The following BMERB1 variants were observed in gnomAD, a reference collection of about 807,000 sequenced individuals.
BMERB1 encodes bMERB domain-containing protein 1.
BMERB1 carries 12 observed loss-of-function variants against 23.6 expected under a neutral mutation model. The ratio of observed to expected loss-of-function variants is 0.51; its 90% CI spans 0.33 to 0.82. BMERB1 has a LOEUF of 0.82. Among genes scored for constraint, BMERB1 ranks in the 40% least tolerant of loss-of-function variants. The pLI is 0.03. For missense variants in BMERB1, 247 were observed against 255.4 expected (o/e 0.97, Z 0.22); for synonymous variants, 122 against 96.6 (o/e 1.26, Z -1.54).
intron 1 of BMERB1, among the ~76,000 whole-genome samples, chr16:15,481,919 C>CG (rs2051324157): frequency 6.6e-6 from 1 of 151,228 alleles, no homozygotes; most frequent in Admixed American, 6.6e-5. Context: ...TTAGTAGAGA[C>CG]GGGGTTTCAC....
At chr16:15,448,715 C>T (rs2051012758) in intron 1 of BMERB1, among the ~76,000 whole-genome samples, 1 of 152,120 alleles carries the variant, frequency 6.6e-6, no homozygotes, top group African/African-American at 2.4e-5. Context: ...TCGCTTGAAC[C>T]TGGGAGGCAG....
chr16:15,548,115 G>T (rs1386051236), intron 2 of BMERB1, among the ~76,000 whole-genome samples: 1 of 152,112 alleles, frequency 6.6e-6, no homozygotes, highest in African/African-American at 2.4e-5. Context: ...CTCCCGAGTA[G>T]CTGGGATTAC....
chr16:15,529,300 A>G (rs1445203590), intron 2 of BMERB1, among the ~76,000 whole-genome samples: 1 of 152,152 alleles, frequency 6.6e-6, no homozygotes, highest in African/African-American at 2.4e-5. Flanking sequence ...TGCTGGGATT[A>G]CAGGCGTGAG....
intron 2 of BMERB1, among the ~76,000 whole-genome samples, chr16:15,516,913 A>C (rs1322613289): frequency 6.6e-6 from 1 of 152,190 alleles, no homozygotes; most frequent in Non-Finnish European, 1.5e-5. Context: ...TGAGGCCGTC[A>C]TAGCTCACTG....
At chr16:15,453,491 A>G (rs2150925017) in intron 1 of BMERB1, among the ~76,000 whole-genome samples, 1 of 152,244 alleles carries the variant, frequency 6.6e-6, no homozygotes, top group East Asian at 1.9e-4. Context: ...CCAAGGCAGG[A>G]GGATCACTTG....
chr16:15,456,629 A>G (rs2051089550), intron 1 of BMERB1, among the ~76,000 whole-genome samples: 1 of 151,856 alleles, frequency 6.6e-6, no homozygotes, highest in African/African-American at 2.4e-5. Flanking sequence ...ATCAGCCAAA[A>G]AAAGTATCTT....
chr16:15,581,421 C>T, intron 4 of BMERB1, 90 bp downstream of exon 4: 3 of 1,057,796 alleles, frequency 2.8e-6, no homozygotes, highest in South Asian at 3.1e-5. Context: ...CTGGGACTCA[C>T]AGCCTTGCCT....
At chr16:15,517,069 C>A (rs2051770008) in intron 2 of BMERB1, among the ~76,000 whole-genome samples, 1 of 152,238 alleles carries the variant, frequency 6.6e-6, no homozygotes, top group Non-Finnish European at 1.5e-5. Flanking sequence ...GCTTCCCATG[C>A]ATAATTCCTT....
intron 1 of BMERB1, among the ~76,000 whole-genome samples, chr16:15,448,787 G>A (rs2051013451): frequency 6.6e-6 from 1 of 152,054 alleles, no homozygotes. Flanking sequence ...GCAAGAATCT[G>A]TCTCAAAAAA....
intron 1 of BMERB1, among the ~76,000 whole-genome samples, chr16:15,485,457 A>G (rs1419760383): frequency 6.6e-6 from 1 of 152,158 alleles, no homozygotes; most frequent in East Asian, 1.9e-4. Flanking sequence ...AGCGCTGAGA[A>G]ACCAATACTT....
At chr16:15,463,845 G>A (rs1457466035) in intron 1 of BMERB1, among the ~76,000 whole-genome samples, 2 of 149,008 alleles carry the variant, frequency 1.3e-5, no homozygotes, top group African/African-American at 2.5e-5. Flanking sequence ...GCATCATCAA[G>A]CAAAATTGGG....
intron 1 of BMERB1, among the ~76,000 whole-genome samples, chr16:15,436,981 C>T (rs772559521): frequency 6.6e-6 from 1 of 151,716 alleles, no homozygotes; most frequent in Non-Finnish European, 1.5e-5. Flanking sequence ...TAAAATCTTG[C>T]ATAGATTTAA....
intron 1 of BMERB1, among the ~76,000 whole-genome samples, chr16:15,499,821 T>G (rs945718839): frequency 2.0e-5 from 3 of 152,194 alleles, no homozygotes; most frequent in Non-Finnish European, 4.4e-5. Flanking sequence ...GCATTATTAT[T>G]TAATAACCCG....
chr16:15,550,521 A>G (rs149878166), intron 2 of BMERB1, among the ~76,000 whole-genome samples: 1,966 of 148,764 alleles, frequency 0.013, 54 homozygotes, highest in African/African-American at 0.047. Flanking sequence ...TTTTTTAAGT[A>G]GAGACGGGGT....
intron 1 of BMERB1, among the ~76,000 whole-genome samples, chr16:15,488,685 A>AC: frequency 6.7e-6 from 1 of 150,198 alleles, no homozygotes; most frequent in South Asian, 2.1e-4. Flanking sequence ...AAAAAAAAAA[A>AC]TACAAAAATT....
chr16:15,514,483 C>G (rs1451851546), intron 1 of BMERB1, among the ~76,000 whole-genome samples: 1 of 152,074 alleles, frequency 6.6e-6, no homozygotes, highest in Non-Finnish European at 1.5e-5. Context: ...TTGTGAGCCT[C>G]CACTAGCCAT....
At chr16:15,436,321 C>CA (rs1410704603) in intron 1 of BMERB1, among the ~76,000 whole-genome samples, 1 of 143,784 alleles carries the variant, frequency 7.0e-6, no homozygotes, top group Non-Finnish European at 1.5e-5. Flanking sequence ...TGCAATGACA[C>CA]AATCTCGGCT....
chr16:15,435,556 CG>C (rs1037661647), intron 1 of BMERB1, among the ~76,000 whole-genome samples: 1 of 152,128 alleles, frequency 6.6e-6, no homozygotes, highest in Admixed American at 6.5e-5. Context: ...CCTGCAAACC[CG>C]GGGGCTCCCC....
rs970588558 is a variant in BMERB1, at chr16:15,586,966, T to C, written c.*137T>C. 1.4e-5 allele frequency: 9 copies of C among 644,626 alleles called. No homozygotes were observed. Among genetic ancestry groups the C allele is most frequent in the East Asian group, 2.8e-5 (1 of 36,220 alleles). 39.9% of individuals were successfully genotyped at this position (644,626 alleles called of 1,614,324 possible). ...AGCCCGTGACTGTCACCAGAGGCCA[T>C]GGGCACGGCAGGCGGGCCTGGCCAC... On this transcript the variant is annotated 3_prime_UTR_variant, in exon 6 of 6. Transcript: ENST00000300006.
Sources: gnomAD v4.1 joint callset for allele counts (sites outside exome capture counted in the v4.1 genomes callset) on GRCh38, gnomAD v4.1.1 for gene constraint, MANE v1.5 for transcripts, NCBI Gene and HGNC (gene_info 2026-07-23, HGNC 2026-07-21) for gene names.